The following CHST11 variants were observed in gnomAD, a reference collection of about 807,000 sequenced individuals.
CHST11 encodes the protein carbohydrate sulfotransferase 11, also known as C4S-1.
Under a neutral mutation model 30.4 loss-of-function variants are expected in CHST11, and 9 were observed. The ratio of observed to expected loss-of-function variants is 0.30; its 90% CI spans 0.18 to 0.52. CHST11 has a LOEUF of 0.52. Among genes scored for constraint, CHST11 ranks in the 20% least tolerant of loss-of-function variants. The pLI, the probability that CHST11 is intolerant of heterozygous loss-of-function variation, is 0.97. For synonymous variants in CHST11, 152 were observed against 187.8 expected (o/e 0.81, Z 1.56); for missense variants, 348 against 460.6 (o/e 0.76, Z 2.24).
In CHST11 at chr12:104,548,782, G is replaced by A. The variant is rs558147518; in HGVS notation, c.119-53124G>A. Among the ~76,000 whole-genome samples, 25 of 152,290 alleles carry A rather than the reference G, an allele frequency of 1.6e-4. 1 individual carries two copies. Among genetic ancestry groups the A allele is most frequent in the African/African-American group, 5.8e-4 (24 of 41,552 alleles). ...GGCAGGGCCCCTTGCCTCCCTGAAC[G>A]CAGGCAGGCAACTGTCAGCCAAGGA... On this transcript the variant is annotated intron_variant, in intron 1 of 2. Transcript: ENST00000303694.
At chr12:104,544,797 G>T (rs1327200272) in intron 1 of CHST11, among the ~76,000 whole-genome samples, 1 of 96,960 alleles carries the variant, frequency 1.0e-5, no homozygotes, top group Admixed American at 1.3e-4. Context: ...AATGGATTTG[G>T]TGCTTTCTTT....
rs180879789 is a variant in CHST11 at position 104,721,368 on chromosome 12, C to T, written c.205-35581C>T. Among the ~76,000 whole-genome samples, 585 of 152,314 alleles carry T rather than the reference C, an allele frequency of 3.8e-3. 2 individuals are homozygous for T. The highest frequency in any genetic ancestry group is 0.014 in the African/African-American group (570 of 41,558). ...TGCCTTCAGCATAGAGCCTTTAATC[C>T]CACATGGGTCCAGGGCCCCACTGGC... is the stretch of plus-strand genomic sequence containing the variant. On this transcript the variant is annotated intron_variant, in intron 2 of 2. Coordinates refer to ENST00000303694, the MANE Select transcript of CHST11 (RefSeq NM_018413.6).
chr12:104,459,949 A>T (rs1297145922), intron 1 of CHST11, among the ~76,000 whole-genome samples: 1 of 152,272 alleles, frequency 6.6e-6, no homozygotes, highest in African/African-American at 2.4e-5. Context: ...CTTACAGTCC[A>T]CAAAAGCTCT....
chr12:104,666,501 G>T (rs188505591), intron 2 of CHST11, among the ~76,000 whole-genome samples: 401 of 152,226 alleles, frequency 2.6e-3, no homozygotes, highest in African/African-American at 9.0e-3. Context: ...CGTTGTTCTT[G>T]GGACTCTGTG....
chr12:104,623,974 A>C (rs781108039), intron 2 of CHST11, among the ~76,000 whole-genome samples: 8 of 152,162 alleles, frequency 5.3e-5, no homozygotes, highest in Non-Finnish European at 1.2e-4. Flanking sequence ...CAGAATGACC[A>C]TGATGAATGG....
chr12:104,471,541 T>C (rs1197205559), intron 1 of CHST11, among the ~76,000 whole-genome samples: 1 of 152,170 alleles, frequency 6.6e-6, no homozygotes, highest in Non-Finnish European at 1.5e-5. Context: ...CAAAGGTAAT[T>C]AAATGTGTCC....
chr12:104,639,413 A>G (rs533917926), intron 2 of CHST11, among the ~76,000 whole-genome samples: 101 of 152,352 alleles, frequency 6.6e-4, no homozygotes, highest in Admixed American at 3.4e-3. Context: ...CATACAATTG[A>G]TACCCAACCA....
chr12:104,561,613 T>C (rs1296488793), intron 1 of CHST11, among the ~76,000 whole-genome samples: 1 of 152,190 alleles, frequency 6.6e-6, no homozygotes, highest in Non-Finnish European at 1.5e-5. Flanking sequence ...CACCCACAGC[T>C]TGAATTGGAA....
chr12:104,678,099 G>C (rs963269500), intron 2 of CHST11, among the ~76,000 whole-genome samples: 5 of 152,196 alleles, frequency 3.3e-5, no homozygotes, highest in African/African-American at 1.2e-4. Context: ...CATCAGAAGT[G>C]ATCTTGCTCA....
intron 1 of CHST11, among the ~76,000 whole-genome samples, chr12:104,476,262 T>C (rs929735366): frequency 6.7e-6 from 1 of 149,678 alleles, no homozygotes; most frequent in Non-Finnish European, 1.5e-5. Context: ...ATGTAATATA[T>C]GTAATATGTA....
rs75377845 is a variant in CHST11 at position 104,614,536 on chromosome 12, G to T, written c.204+12545G>T. Among the ~76,000 whole-genome samples the T allele has an allele frequency of 5.6e-3, 850 of 151,720 alleles. 7 individuals are homozygous for T. Among genetic ancestry groups the T allele is most frequent in the African/African-American group, 0.019 (768 of 41,406 alleles). On this transcript the variant is annotated intron_variant, in intron 2 of 2. Coordinates refer to ENST00000303694, the MANE Select transcript of CHST11 (RefSeq NM_018413.6). ...CTCCAGCCTGGTTGGATTTTTTTTT[G>T]ATTAAAAAAATTTAAAAAATTATAA...
chr12:104,488,099 A>T (rs540767607), intron 1 of CHST11, among the ~76,000 whole-genome samples: 145 of 152,134 alleles, frequency 9.5e-4, no homozygotes, highest in African/African-American at 3.4e-3. Context: ...CTTTTCAAAA[A>T]CAAACATTAT....
chr12:104,496,057 G>A (rs1001031292), intron 1 of CHST11, among the ~76,000 whole-genome samples: 1 of 152,212 alleles, frequency 6.6e-6, no homozygotes. Flanking sequence ...AGTCTCCTAA[G>A]CCCTGGGCTT....
intron 2 of CHST11, among the ~76,000 whole-genome samples, chr12:104,667,365 C>T (rs2039651579): frequency 6.6e-6 from 1 of 152,130 alleles, no homozygotes; most frequent in African/African-American, 2.4e-5. Flanking sequence ...AGATTACACA[C>T]CAAGGTTGTG....
intron 2 of CHST11, among the ~76,000 whole-genome samples, chr12:104,608,097 G>A (rs1026474422): frequency 6.6e-6 from 1 of 152,072 alleles, no homozygotes; most frequent in Non-Finnish European, 1.5e-5. Context: ...GGTTAGGGCT[G>A]GGGTGTTGAT....
chr12:104,643,636 TCACACA>T (rs34979854), intron 2 of CHST11, among the ~76,000 whole-genome samples: 4 of 150,422 alleles, frequency 2.7e-5, no homozygotes, highest in Admixed American at 2.0e-4. Flanking sequence ...GACTTTTTCT[TCACACA>T]CACACACACA....
intron 1 of CHST11, among the ~76,000 whole-genome samples, chr12:104,511,884 A>T (rs147520862): frequency 6.6e-6 from 1 of 152,098 alleles, no homozygotes; most frequent in Non-Finnish European, 1.5e-5. Flanking sequence ...CCTCTCAAAT[A>T]CCAAAATCCA....
At chr12:104,590,363 T>C (rs1268135857) in intron 1 of CHST11, among the ~76,000 whole-genome samples, 1 of 152,226 alleles carries the variant, frequency 6.6e-6, no homozygotes, top group East Asian at 1.9e-4. Context: ...CGGATGACTC[T>C]TATCAGGAAA....
intron 2 of CHST11, among the ~76,000 whole-genome samples, chr12:104,606,394 CA>C (rs972835465): frequency 1.3e-5 from 2 of 152,044 alleles, no homozygotes; most frequent in African/African-American, 4.8e-5. Flanking sequence ...AAAAGGAAGA[CA>C]AATTACTATT....
Sources: gnomAD v4.1 joint callset for allele counts (sites outside exome capture counted in the v4.1 genomes callset) on GRCh38, gnomAD v4.1.1 for gene constraint, MANE v1.5 for transcripts, NCBI Gene and HGNC (gene_info 2026-07-23, HGNC 2026-07-21) for gene names.